EIF5A: variants seen among roughly 807,000 people sequenced by gnomAD.
The protein encoded by EIF5A is eukaryotic translation initiation factor 5A.
Under a neutral mutation model 16.6 loss-of-function variants are expected in EIF5A, and 1 was observed. That is an observed-to-expected ratio of 0.06 (90% CI 0.02 to 0.28). The LOEUF is 0.28. EIF5A is among the 10% of genes least tolerant of loss of function. The pLI is 1.00. For missense variants in EIF5A, 29 were observed against 196.1 expected (o/e 0.15, Z 5.09); for synonymous variants, 80 against 73.6 (o/e 1.09, Z -0.44).
upstream of EIF5A, chr17:7,307,221 G>A: frequency 7.5e-7 from 1 of 1,329,152 alleles, no homozygotes. Flanking sequence ...AACGCCTGGC[G>A]TACTGACGGC....
At chr17:7,307,199 C>T, upstream of EIF5A, 8 of 1,435,914 alleles carry the variant, frequency 5.6e-6, no homozygotes, top group East Asian at 2.6e-5. Context: ...GATCTAGCGG[C>T]GTGGTCTTTT....
At chr17:7,310,873 T>C (rs2072804350) in intron 2 of EIF5A, 145 bp from the exon 3 acceptor site, 2 of 1,427,964 alleles carry the variant, frequency 1.4e-6, no homozygotes, top group Non-Finnish European at 1.8e-6. Flanking sequence ...TACTGTTTCT[T>C]GAGTTGACTG....
At chr17:7,310,667 C>G (rs2072794226) in intron 2 of EIF5A, 2 of 985,400 alleles carry the variant, frequency 2.0e-6, no homozygotes, top group Middle Eastern at 5.2e-4. Context: ...CCCAGTTTCT[C>G]AGCTCCTTCT....
intron 1 of EIF5A, chr17:7,308,299 G>A (rs539075239): frequency 1.8e-6 from 2 of 1,141,836 alleles, no homozygotes; most frequent in South Asian, 1.7e-5. Context: ...CGTGGACCGG[G>A]GCCGCATGGC....
intron 2 of EIF5A, chr17:7,310,136 T>C (rs1241505294): frequency 7.6e-7 from 1 of 1,311,054 alleles, no homozygotes; most frequent in Non-Finnish European, 1.0e-6. Flanking sequence ...CTTTCTTCCC[T>C]TGAGCCGTTG....
chr17:7,309,800 G>A lies in EIF5A; in HGVS notation c.165G>A (p.Lys55=). ...TSKTGKHGHA[K]VHLVGIDIFT... is the part of the protein sequence containing the mutation. ...AGACTGGCAAGCACGGCCACGCCAAGGTTAGAATTTCACCTCCGCATCTTG... is the reference window on the plus strand; with the variant it reads ...AGACTGGCAAGCACGGCCACGCCAAAGTTAGAATTTCACCTCCGCATCTTG... The change falls in exon 2 of 6, where the codon AAG becomes AAA. Residue 55 remains lysine, a splice_region_variant and synonymous_variant. Coordinates refer to ENST00000336458, the MANE Select transcript of EIF5A (RefSeq NM_001970.5). 1 of 1,614,260 alleles carries A rather than the reference G, an allele frequency of 6.2e-7. No individual in the cohort carries two copies. The highest frequency in any genetic ancestry group is 8.5e-7 in the Non-Finnish European group (1 of 1,180,050).
rs952414537 is a variant in EIF5A at position 7,310,822 on chromosome 17, C to T, written c.166-196C>T. On this transcript the variant is annotated intron_variant, in intron 2 of 5. Transcript: ENST00000336458. ...ATTGTGCTGTCAACCCCAATCTCAA[C>T]GGTGGTTTTTTAGCCTCTGTTTTTT... The T allele has an allele frequency of 6.1e-6, 6 of 985,320 alleles. No individual in the cohort carries two copies. In the African/African-American group the frequency reaches 7.0e-5, roughly 11 times the overall value. 61.0% of individuals were successfully genotyped at this position (985,320 alleles called of 1,614,324 possible).
chr17:7,311,331 C>T lies in EIF5A; in HGVS notation c.271-19C>T, dbSNP rs747458912. 1.2e-6 allele frequency: 2 copies of T among 1,613,988 alleles called. No homozygotes were observed. The highest frequency in any genetic ancestry group is 1.7e-6 in the Non-Finnish European group (2 of 1,179,930). On this transcript the variant is annotated intron_variant, in intron 3 of 5. Coordinates refer to ENST00000336458, the MANE Select transcript of EIF5A (RefSeq NM_001970.5). ...CCCTGGGCCTACTACCTTCAGCCTCCTTCCCTATCTGCCCCCAGCTGATTG... is the reference window on the plus strand; with the variant it reads ...CCCTGGGCCTACTACCTTCAGCCTCTTTCCCTATCTGCCCCCAGCTGATTG...
intron 2 of EIF5A, chr17:7,310,295 T>A (rs1461454219): frequency 7.8e-7 from 1 of 1,286,734 alleles, no homozygotes. Flanking sequence ...TGACGCAGGA[T>A]CAAACTGCCC....
chr17:7,309,791 C>T lies in EIF5A; in HGVS notation c.156C>T (p.Gly52=), dbSNP rs760890178. Residue 52 remains glycine, a synonymous_variant, in exon 2 of 6, where the codon GGC becomes GGT. Transcript: ENST00000336458. Reference sequence around the variant, plus strand: ...CTACTTCGAAGACTGGCAAGCACGGCCACGCCAAGGTTAGAATTTCACCTC... The same window carrying T: ...CTACTTCGAAGACTGGCAAGCACGGTCACGCCAAGGTTAGAATTTCACCTC... ...EMSTSKTGKH[G]HAKVHLVGID... is the part of the protein sequence containing the mutation. 8.1e-5 allele frequency: 130 copies of T among 1,614,108 alleles called. 3 individuals are homozygous for T. The South Asian group carries it at 1.3e-3, about 16-fold the overall frequency.
Position 7,307,958 on chromosome 17 carries a change from T to C in EIF5A, c.-22+206T>C. The C allele has an allele frequency of 3.1e-6, 3 of 978,968 alleles. No homozygotes were observed. The African/African-American group carries it at 5.5e-5, about 18-fold the overall frequency. 60.6% of individuals were successfully genotyped at this position (978,968 alleles called of 1,614,324 possible). On this transcript the variant is annotated intron_variant, in intron 1 of 5. Transcript: ENST00000336458. Reference sequence around the variant, plus strand: ...ACGGTTGGGGTTGGCCCGGTGACGTTGGAGCGACGCAGGGCGGGGGACGGC... The same window carrying C: ...ACGGTTGGGGTTGGCCCGGTGACGTCGGAGCGACGCAGGGCGGGGGACGGC...
chr17:7,307,599 T>G (rs2072661056), upstream of EIF5A: 1 of 1,015,718 alleles, frequency 9.8e-7, no homozygotes, highest in Non-Finnish European at 1.2e-6. Flanking sequence ...TAGGGCTGCT[T>G]GGTTGGTCAG....
At chr17:7,311,796 C>T (rs1368426110) in intron 5 of EIF5A, 26 bp from the exon 6 acceptor site, 1 of 1,134,576 alleles carries the variant, frequency 8.8e-7, no homozygotes, top group African/African-American at 1.5e-5. Context: ...ATTATCCTGT[C>T]TTACTAATTT....
At chr17:7,308,438 TGAG>T in intron 1 of EIF5A, 1 of 1,326,728 alleles carries the variant, frequency 7.5e-7, no homozygotes, top group South Asian at 1.2e-5. Context: ...CCTGAGATTT[TGAG>T]GAGTGGAAGC....
intron 3 of EIF5A, 38 bp from the exon 4 acceptor site, chr17:7,311,312 G>A: frequency 1.2e-6 from 2 of 1,613,738 alleles, no homozygotes; most frequent in Non-Finnish European, 1.7e-6. Flanking sequence ...GCCTCCCTGG[G>A]CCTACTACCT....
chr17:7,310,406 CTG>C, intron 2 of EIF5A: 3 of 1,184,706 alleles, frequency 2.5e-6, no homozygotes, highest in Non-Finnish European at 3.2e-6. Context: ...CAGACTTTTC[CTG>C]TCTCTTTAGA....
chr17:7,312,395 GCT>G lies in EIF5A; in HGVS notation c.*591_*592del. On this transcript the variant is annotated 3_prime_UTR_variant, in exon 6 of 6. Transcript: ENST00000336458. The stretch of plus-strand genomic sequence containing the variant: ...CCATGGGCTTTACCCTTCCCTGCGG[GCT>G]CTCTCCCCGACACATTTGTTAAAAT... The G allele has an allele frequency of 4.3e-6, 1 of 233,716 alleles. No individual in the cohort carries two copies. Among genetic ancestry groups the G allele is most frequent in the Non-Finnish European group, 9.3e-6 (1 of 107,778 alleles). 14.5% of individuals were successfully genotyped at this position (233,716 alleles called of 1,614,324 possible). A position where few individuals can be genotyped will look rare whatever the true frequency, so the allele number is the denominator to read the frequency against.
rs115869865 is a variant in EIF5A, at chr17:7,311,278, A to G, written c.271-72A>G. The G allele has an allele frequency of 1.8e-4, 293 of 1,610,986 alleles. 2 individuals are homozygous for G. The African/African-American group carries it at 3.2e-3, about 18-fold the overall frequency. On this transcript the variant is annotated intron_variant, in intron 3 of 5. Coordinates refer to ENST00000336458, the MANE Select transcript of EIF5A (RefSeq NM_001970.5). ...AGTTTGCTATCAGTCCAGTTTGTCT[A>G]TCAGAGCCTTTACTGTCATGTCAGC...
Position 7,311,651 on chromosome 17 carries a change from G to C in EIF5A, c.*11G>C, listed in dbSNP as rs775204645. ...GCCATGGCAAAATAACTGGCTCCCAGGTGAGTGTGACAAATCCCTCACTGT... is the reference window on the plus strand; with the variant it reads ...GCCATGGCAAAATAACTGGCTCCCACGTGAGTGTGACAAATCCCTCACTGT... On this transcript the variant is annotated splice_region_variant and 3_prime_UTR_variant, in exon 5 of 6. Coordinates refer to ENST00000336458, the MANE Select transcript of EIF5A (RefSeq NM_001970.5). The C allele has an allele frequency of 1.7e-5, 28 of 1,613,960 alleles. No homozygotes were observed. The highest frequency in any genetic ancestry group is 2.3e-5 in the Non-Finnish European group (27 of 1,180,036).
Sources: allele counts gnomAD v4.1 joint callset, GRCh38; gene constraint gnomAD v4.1.1; transcripts MANE v1.5; gene names NCBI Gene and HGNC (gene_info 2026-07-23, HGNC 2026-07-21).